Variants in USP49 observed in about 807,000 individuals in gnomAD.
USP49 encodes the protein ubiquitin carboxyl-terminal hydrolase 49.
In USP49, 24 loss-of-function variants were observed where a neutral mutation model predicts 58.6. That is an observed-to-expected ratio of 0.41 (90% CI 0.30 to 0.58). The LOEUF (loss-of-function observed/expected upper bound fraction) is 0.58. USP49 is among the 20% of genes least tolerant of loss of function. The pLI, the probability that USP49 is intolerant of heterozygous loss-of-function variation, is 0.30. For missense variants in USP49, 703 were observed against 866.1 expected (o/e 0.81, Z 2.36); for synonymous variants, 408 against 365.1 (o/e 1.12, Z -1.34).
intron 3 of USP49, among the ~76,000 whole-genome samples, chr6:41,809,476 G>T (rs1581995629): frequency 6.6e-6 from 1 of 151,948 alleles, no homozygotes; most frequent in African/African-American, 2.4e-5. Flanking sequence ...AGTGAGCCAA[G>T]ATCGCGCCAT....
chr6:41,839,404 C>CAAAA (rs538220746), intron 3 of USP49, among the ~76,000 whole-genome samples: 368 of 22,264 alleles, frequency 0.017, 95 homozygotes, highest in Non-Finnish European at 0.021. Flanking sequence ...GGCCTTGTCT[C>CAAAA]AAAAAAAAAA....
rs925644629 is a variant in USP49, at chr6:41,794,380, A to G, written c.*2153T>C. On this transcript the variant is annotated 3_prime_UTR_variant, in exon 8 of 8. Transcript: ENST00000682992. Reference sequence around the variant, plus strand: ...GGAAGATCTTTGAATTTTCCATTAAATGTTTATTAATAATTATCCCCACTG... The same window carrying G: ...GGAAGATCTTTGAATTTTCCATTAAGTGTTTATTAATAATTATCCCCACTG... 1.5e-4 allele frequency: 23 copies of G among 152,236 alleles called. No individual in the cohort carries two copies. The highest frequency in any genetic ancestry group is 4.1e-4 in the South Asian group (2 of 4,832). The allele number at this position is 152,236 out of a possible 1,614,324, so 9.4% of individuals were successfully genotyped here.
chr6:41,813,033 T>A (rs910969106), intron 3 of USP49, among the ~76,000 whole-genome samples: 1 of 152,192 alleles, frequency 6.6e-6, no homozygotes, highest in Non-Finnish European at 1.5e-5. Flanking sequence ...TAGTAACTAG[T>A]CACACGTGAC....
chr6:41,816,093 T>C (rs1459765281), intron 3 of USP49, among the ~76,000 whole-genome samples: 7 of 152,214 alleles, frequency 4.6e-5, no homozygotes, highest in African/African-American at 1.7e-4. Context: ...CTTCATCCTC[T>C]GCTCTCTTTT....
chr6:41,881,817 A>G (rs1774613780), intron 2 of USP49, among the ~76,000 whole-genome samples: 1 of 152,176 alleles, frequency 6.6e-6, no homozygotes, highest in African/African-American at 2.4e-5. Flanking sequence ...CTTACAAAAC[A>G]TAATACATAC....
In USP49 at chr6:41,798,937, A is replaced by G; in HGVS notation, c.1671-8T>C. On this transcript the variant is annotated splice_polypyrimidine_tract_variant and splice_region_variant and intron_variant, in intron 6 of 7. Transcript: ENST00000682992. The stretch of plus-strand genomic sequence containing the variant: ...TGATTACGGCCAGACCACCTAGAAC[A>G]TGGATATAAGCTTGTTACTAGTAAA... The G allele has an allele frequency of 1.2e-6, 2 of 1,613,490 alleles. No individual in the cohort carries two copies. Among genetic ancestry groups the G allele is most frequent in the Non-Finnish European group, 1.7e-6 (2 of 1,179,802 alleles).
At chr6:41,865,315 G>A (rs144780807) in intron 3 of USP49, among the ~76,000 whole-genome samples, 230 of 152,180 alleles carry the variant, frequency 1.5e-3, no homozygotes, top group African/African-American at 5.4e-3. Flanking sequence ...AAAGTGCAGG[G>A]ATTACAGGCA....
Position 41,794,144 on chromosome 6 carries a change from AG to A in USP49, c.*2388del, listed in dbSNP as rs1310625668. ...TTAAATACTAACGTCCTAAGTGTCC[AG>A]TGCTGCCGCCTCTGGGTACCTGAGG... On this transcript the variant is annotated 3_prime_UTR_variant, in exon 8 of 8. Coordinates refer to ENST00000682992, the MANE Select transcript of USP49 (RefSeq NM_001286554.2). The A allele has an allele frequency of 6.6e-6, 1 of 152,262 alleles. No individual in the cohort carries two copies. The allele number at this position is 152,262 out of a possible 1,614,324, so 9.4% of individuals were successfully genotyped here.
intron 3 of USP49, among the ~76,000 whole-genome samples, chr6:41,817,836 G>A (rs1773383957): frequency 6.6e-6 from 1 of 151,552 alleles, no homozygotes; most frequent in Non-Finnish European, 1.5e-5. Context: ...GACTGGTCTC[G>A]AACTCCTGAC....
intron 2 of USP49, among the ~76,000 whole-genome samples, chr6:41,883,962 ACCACAGAATACTATGCTG>A (rs1774662627): frequency 6.6e-6 from 1 of 152,150 alleles, no homozygotes; most frequent in Non-Finnish European, 1.5e-5. Flanking sequence ...ATGGATGCAC[ACCACAGAATACTATGCTG>A]CAGCTCGAAG....
intron 3 of USP49, among the ~76,000 whole-genome samples, chr6:41,831,025 G>A (rs1246837103): frequency 6.6e-6 from 1 of 152,010 alleles, no homozygotes; most frequent in Non-Finnish European, 1.5e-5. Flanking sequence ...GGGAGGCAGA[G>A]GTGGGCAGAT....
chr6:41,822,724 C>T (rs188588762), intron 3 of USP49, among the ~76,000 whole-genome samples: 2 of 151,938 alleles, frequency 1.3e-5, no homozygotes, highest in African/African-American at 4.8e-5. Flanking sequence ...GCGCGCCTGT[C>T]GTCTCAGCTA....
intron 3 of USP49, among the ~76,000 whole-genome samples, chr6:41,857,420 G>A (rs1054424020): frequency 2.0e-5 from 3 of 152,184 alleles, no homozygotes; most frequent in Admixed American, 6.6e-5. Context: ...CAAGGCAGGT[G>A]CATCGCTTAA....
At chr6:41,890,612 T>G (rs1032865786) in intron 2 of USP49, among the ~76,000 whole-genome samples, 2 of 152,134 alleles carry the variant, frequency 1.3e-5, no homozygotes, top group East Asian at 3.8e-4. Flanking sequence ...AGGTCCAGGC[T>G]GCAGTGAGCT....
chr6:41,851,788 AC>A (rs1197376849), intron 3 of USP49, among the ~76,000 whole-genome samples: 1 of 151,586 alleles, frequency 6.6e-6, no homozygotes, highest in African/African-American at 2.4e-5. Flanking sequence ...CCCCATCTCT[AC>A]TAAAAATACA....
chr6:41,817,429 A>T (rs1773375113), intron 3 of USP49, among the ~76,000 whole-genome samples: 1 of 144,020 alleles, frequency 6.9e-6, no homozygotes, highest in South Asian at 2.2e-4. Flanking sequence ...TACAGGCATG[A>T]GCCACCACGC....
rs559604282 is a variant in USP49, at chr6:41,797,800, A to G, written c.1876+924T>C. The G allele has an allele frequency of 1.3e-5, 13 of 985,844 alleles. No individual in the cohort carries two copies. In the African/African-American group the frequency reaches 2.1e-4, roughly 16 times the overall value. The allele number at this position is 985,844 out of a possible 1,614,324, so 61.1% of individuals were successfully genotyped here. Reference sequence around the variant, plus strand: ...AAAACAGTAATATTATCAATAACCAATACTTTTGATAATACTACAATATCC... The same window carrying G: ...AAAACAGTAATATTATCAATAACCAGTACTTTTGATAATACTACAATATCC... On this transcript the variant is annotated intron_variant, in intron 7 of 7. Transcript: ENST00000682992.
intron 1 of USP49, 38 bp downstream of exon 1, chr6:41,895,286 C>A (rs1241920435): frequency 6.6e-6 from 1 of 150,816 alleles, no homozygotes. Context: ...GCTGCCTCCC[C>A]ACCTCCTCCG....
At chr6:41,815,191 C>T (rs1262058097) in intron 3 of USP49, among the ~76,000 whole-genome samples, 3 of 151,944 alleles carry the variant, frequency 2.0e-5, no homozygotes, top group East Asian at 1.9e-4. Flanking sequence ...GAGGCCGAGA[C>T]GGGAGGATCA....
Sources: allele counts gnomAD v4.1 joint callset (sites outside exome capture counted in the v4.1 genomes callset), GRCh38; gene constraint gnomAD v4.1.1; transcripts MANE v1.5; gene names NCBI Gene and HGNC (gene_info 2026-07-23, HGNC 2026-07-21).